Variants in CHL1 observed in about 807,000 individuals in gnomAD.
CHL1 encodes neural cell adhesion molecule L1-like protein.
A neutral mutation model predicts 141.9 loss-of-function variants in CHL1; 96 were observed. That is an observed-to-expected ratio of 0.68 (90% CI 0.57 to 0.80). The LOEUF (loss-of-function observed/expected upper bound fraction) is 0.80. CHL1 is among the 30% of genes least tolerant of loss of function. The pLI, the probability that CHL1 is intolerant of heterozygous loss-of-function variation, is 0.00. For synonymous variants in CHL1, 613 were observed against 502.2 expected, an observed-to-expected ratio of 1.22 and a Z score of -2.95; for missense variants, 1,820 against 1,457.2, an observed-to-expected ratio of 1.25 and a Z score of -4.05.
intron 19 of CHL1, among the ~76,000 whole-genome samples, chr3:386,189 G>T (rs555522943): frequency 4.5e-4 from 61 of 134,148 alleles, no homozygotes; most frequent in Non-Finnish European, 8.2e-4. Flanking sequence ...ACATGATAAT[G>T]GTCAGAGGGA....
rs541378835 is a variant in CHL1 at position 284,116 on chromosome 3, C to CT, written c.-94-35565dup. 4.8e-3 allele frequency among the ~76,000 whole-genome samples: 734 copies of CT among 152,222 alleles called. 6 individuals carry two copies. Among genetic ancestry groups the CT allele is most frequent in the African/African-American group, 0.016 (660 of 41,542 alleles). On this transcript the variant is annotated intron_variant, in intron 2 of 27. Coordinates refer to ENST00000256509, the MANE Select transcript of CHL1 (RefSeq NM_006614.4). ...AATGTAAGTTTCTGCCCTGATGGGGCTTACAGACTTTCGGTGGAACTAGAT... is the reference window on the plus strand; with the variant it reads ...AATGTAAGTTTCTGCCCTGATGGGGCTTTACAGACTTTCGGTGGAACTAGAT...
At chr3:335,178 A>G (rs1233283548) in intron 5 of CHL1, among the ~76,000 whole-genome samples, 4 of 152,198 alleles carry the variant, frequency 2.6e-5, no homozygotes, top group Non-Finnish European at 4.4e-5. Flanking sequence ...GGAAACCTGG[A>G]TGTTGTAGCC....
intron 2 of CHL1, among the ~76,000 whole-genome samples, chr3:280,913 C>CCA (rs56209708): frequency 0.023 from 3,459 of 148,692 alleles, 114 homozygotes; most frequent in African/African-American, 0.073. Context: ...CACACATGCA[C>CCA]CACACACACA....
intron 1 of CHL1, among the ~76,000 whole-genome samples, chr3:235,680 G>T (rs2125062925): frequency 6.6e-6 from 1 of 152,132 alleles, no homozygotes; most frequent in South Asian, 2.1e-4. Context: ...CTACTTCCAG[G>T]GGAGGCCATC....
At position 236,784 on chromosome 3, in the gene CHL1, G is replaced by C. The variant is rs997912698; in HGVS notation, c.-174-7829G>C. Among the ~76,000 whole-genome samples the C allele has an allele frequency of 1.3e-5, 2 of 148,496 alleles. 1 individual carries two copies. On this transcript the variant is annotated intron_variant, in intron 1 of 27. Transcript: ENST00000256509. ...TAATGTTTCTAATCTTCCTCTGTGT[G>C]AATCCCATGGCCCCAGCCTCTTAAA...
At chr3:335,334 C>A (rs1164908620) in intron 5 of CHL1, among the ~76,000 whole-genome samples, 14 of 152,324 alleles carry the variant, frequency 9.2e-5, no homozygotes, top group African/African-American at 3.1e-4. Flanking sequence ...ATGAAATGGG[C>A]TGAACTGGGT....
At chr3:360,475 G>T in intron 12 of CHL1, 51 bp downstream of exon 12, 1 of 1,590,342 alleles carries the variant, frequency 6.3e-7, no homozygotes, top group Non-Finnish European at 8.6e-7. Flanking sequence ...AAGGAAAGTG[G>T]TCAAGGTCAT....
chr3:229,468 C>A (rs962095640), intron 1 of CHL1, among the ~76,000 whole-genome samples: 10 of 152,154 alleles, frequency 6.6e-5, no homozygotes, highest in Admixed American at 2.6e-4. Flanking sequence ...AGGCAACAAC[C>A]TGACAATACT....
At chr3:236,790 C>T (rs1692029516) in intron 1 of CHL1, among the ~76,000 whole-genome samples, 1 of 147,452 alleles carries the variant, frequency 6.8e-6, no homozygotes, top group South Asian at 2.1e-4. Context: ...GTGTGAATCC[C>T]ATGGCCCCAG....
chr3:291,798 T>G (rs929677090), intron 2 of CHL1, among the ~76,000 whole-genome samples: 3 of 152,212 alleles, frequency 2.0e-5, no homozygotes, highest in African/African-American at 7.2e-5. Context: ...TAATGAGCCT[T>G]GGACCAGTCC....
At chr3:226,860 T>C (rs2125016735) in intron 1 of CHL1, among the ~76,000 whole-genome samples, 1 of 152,330 alleles carries the variant, frequency 6.6e-6, no homozygotes, top group Middle Eastern at 3.4e-3. Context: ...AGGATCCTTT[T>C]CTAAGTAGAC....
chr3:290,739 A>G (rs889628777), intron 2 of CHL1, among the ~76,000 whole-genome samples: 2 of 152,122 alleles, frequency 1.3e-5, no homozygotes, highest in Non-Finnish European at 2.9e-5. Flanking sequence ...TCAGATGGCA[A>G]TAAGGTGATT....
At chr3:235,113 A>T (rs972053652) in intron 1 of CHL1, among the ~76,000 whole-genome samples, 1 of 152,030 alleles carries the variant, frequency 6.6e-6, no homozygotes, top group African/African-American at 2.4e-5. Context: ...CTAACTCGTC[A>T]TCTAGCATTA....
intron 23 of CHL1, among the ~76,000 whole-genome samples, chr3:392,786 C>A (rs149213343): frequency 6.6e-6 from 1 of 152,188 alleles, no homozygotes; most frequent in Non-Finnish European, 1.5e-5. Context: ...GAAATTAGCA[C>A]GTATGTTTAA....
chr3:198,712 T>C (rs1311175171), intron 1 of CHL1, among the ~76,000 whole-genome samples: 2 of 152,262 alleles, frequency 1.3e-5, no homozygotes, highest in East Asian at 1.9e-4. Flanking sequence ...TTACTGTTAG[T>C]TAATCCTCAG....
At chr3:370,065 T>G (rs932293026) in intron 15 of CHL1, among the ~76,000 whole-genome samples, 1 of 152,196 alleles carries the variant, frequency 6.6e-6, no homozygotes, top group East Asian at 1.9e-4. Flanking sequence ...GTTCCTTTTT[T>G]TGTGTGTCTC....
At chr3:233,166 G>A (rs998746282) in intron 1 of CHL1, among the ~76,000 whole-genome samples, 1 of 152,122 alleles carries the variant, frequency 6.6e-6, no homozygotes, top group Non-Finnish European at 1.5e-5. Flanking sequence ...TCTTTTACAA[G>A]ATAAAGTTTA....
At chr3:293,663 T>G (rs1185541322) in intron 2 of CHL1, among the ~76,000 whole-genome samples, 2 of 152,236 alleles carry the variant, frequency 1.3e-5, no homozygotes, top group African/African-American at 4.8e-5. Context: ...ACTACCCAGT[T>G]TCCTGCAACT....
intron 2 of CHL1, among the ~76,000 whole-genome samples, chr3:265,008 G>A (rs1695035709): frequency 2.0e-5 from 3 of 152,150 alleles, no homozygotes; most frequent in South Asian, 4.1e-4. Context: ...CACGTCACTG[G>A]GACATCAAAC....
Sources: gnomAD v4.1 joint callset for allele counts (sites outside exome capture counted in the v4.1 genomes callset) on GRCh38, gnomAD v4.1.1 for gene constraint, MANE v1.5 for transcripts, NCBI Gene and HGNC (gene_info 2026-07-23, HGNC 2026-07-21) for gene names.